The following WDR64 variants were observed in gnomAD, a reference collection of about 807,000 sequenced individuals.
WDR64 encodes the protein WD repeat domain 64.
Under a neutral mutation model 139.3 loss-of-function variants are expected in WDR64, and 112 were observed. The ratio of observed to expected loss-of-function variants is 0.80; its 90% confidence interval spans 0.69 to 0.94. The LOEUF is 0.94. Among genes scored for constraint, WDR64 ranks in the 40% least tolerant of loss-of-function variants. The pLI is 0.00. For synonymous variants in WDR64, 444 were observed against 437.7 expected (o/e 1.01, Z -0.18); for missense variants, 1,206 against 1,293.1 (o/e 0.93, Z 1.03).
At chr1:241,761,618 T>C (rs867875516) in intron 15 of WDR64, among the ~76,000 whole-genome samples, 11 of 151,986 alleles carry the variant, frequency 7.2e-5, no homozygotes, top group African/African-American at 1.4e-4. Flanking sequence ...TTAGTCCTTT[T>C]TGAAAAATTT....
chr1:241,689,828 G>A (rs1171751997), intron 8 of WDR64, among the ~76,000 whole-genome samples: 1 of 152,054 alleles, frequency 6.6e-6, no homozygotes, highest in Non-Finnish European at 1.5e-5. Flanking sequence ...CGCCTTTGAT[G>A]GGCTCATTAG....
intron 2 of WDR64, among the ~76,000 whole-genome samples, chr1:241,667,993 T>G (rs1666083905): frequency 6.6e-6 from 1 of 152,136 alleles, no homozygotes; most frequent in African/African-American, 2.4e-5. Context: ...AGAAGAGGAA[T>G]TCAAACTCAA....
intron 23 of WDR64, among the ~76,000 whole-genome samples, chr1:241,784,953 G>GGAAAAAAAAAAAAAAAAAT: frequency 1.6e-5 from 1 of 62,250 alleles, no homozygotes; most frequent in Non-Finnish European, 3.1e-5. Context: ...GACTCTGTCT[G>GGAAAAAAAAAAAAAAAAAT]AAAAAAAAAA....
Position 241,783,396 on chromosome 1 carries a change from C to T in WDR64, c.2705+15C>T. 2 of 1,581,242 alleles carry T rather than the reference C, an allele frequency of 1.3e-6. No individual in the cohort carries two copies. Among genetic ancestry groups the T allele is most frequent in the Non-Finnish European group, 1.7e-6 (2 of 1,152,148 alleles). The stretch of plus-strand genomic sequence containing the variant: ...GGCTCAGTAAGGTAGGCCAAGATGG[C>T]ATCATACTGTGAATTCAGTACTGTG... On this transcript the variant is annotated intron_variant, in intron 23 of 27. Transcript: ENST00000437684.
chr1:241,754,925 A>G (rs545663835), intron 14 of WDR64, among the ~76,000 whole-genome samples: 26 of 152,298 alleles, frequency 1.7e-4, no homozygotes, highest in African/African-American at 5.8e-4. Flanking sequence ...GCTGCACAGT[A>G]TTCCATGTTG....
intron 8 of WDR64, among the ~76,000 whole-genome samples, chr1:241,707,036 C>T (rs186194856): frequency 2.2e-4 from 33 of 152,222 alleles, no homozygotes; most frequent in Non-Finnish European, 4.1e-4. Flanking sequence ...CCCCTTTTCA[C>T]AGGCATGCAC....
At chr1:241,741,738 TTGAG>T in intron 12 of WDR64, 74 bp downstream of exon 12, 1 of 1,420,828 alleles carries the variant, frequency 7.0e-7, no homozygotes, top group Admixed American at 2.5e-5. Flanking sequence ...AAATAAATCA[TTGAG>T]TGATTAAGCA....
At position 241,705,352 on chromosome 1, in the gene WDR64, T is replaced by C. The variant is rs529028839; in HGVS notation, c.975-6450T>C. Among the ~76,000 whole-genome samples the C allele has an allele frequency of 9.2e-5, 14 of 151,900 alleles. No individual in the cohort carries two copies. In the South Asian group the frequency reaches 2.7e-3, roughly 29 times the overall value. On this transcript the variant is annotated intron_variant, in intron 8 of 27. Transcript: ENST00000437684. ...GTCAGGAGATCGAGACCATCCCGGCTAACACGGTGAAACCCCGTCTCTACT... is the reference window on the plus strand; with the variant it reads ...GTCAGGAGATCGAGACCATCCCGGCCAACACGGTGAAACCCCGTCTCTACT...
chr1:241,785,136 C>T (rs896045109), intron 23 of WDR64, among the ~76,000 whole-genome samples: 36 of 152,036 alleles, frequency 2.4e-4, no homozygotes, highest in Non-Finnish European at 4.1e-4. Context: ...CACACACAGA[C>T]GCACACACAT....
At chr1:241,701,262 ATG>A (rs1558479499) in intron 8 of WDR64, among the ~76,000 whole-genome samples, 1 of 150,984 alleles carries the variant, frequency 6.6e-6, no homozygotes, top group African/African-American at 2.5e-5. Context: ...ACACATACAC[ATG>A]CGTGCACATG....
intron 13 of WDR64, among the ~76,000 whole-genome samples, chr1:241,745,914 A>G (rs1669739259): frequency 6.6e-6 from 1 of 152,156 alleles, no homozygotes. Flanking sequence ...ACTAAATCTG[A>G]CTGCCCAAGT....
At chr1:241,670,139 TAAGAC>T (rs1343239508) in intron 2 of WDR64, among the ~76,000 whole-genome samples, 1 of 152,236 alleles carries the variant, frequency 6.6e-6, no homozygotes, top group African/African-American at 2.4e-5. Context: ...TGTTGGTTAA[TAAGAC>T]AAAGAACAGC....
chr1:241,793,668 G>C (rs1260132119), intron 25 of WDR64, among the ~76,000 whole-genome samples: 1 of 152,176 alleles, frequency 6.6e-6, no homozygotes, highest in Admixed American at 6.5e-5. Context: ...GAAGCCACAG[G>C]GTGTGGAGCC....
chr1:241,751,789 G>A (rs1002626198), intron 14 of WDR64, among the ~76,000 whole-genome samples: 1 of 152,178 alleles, frequency 6.6e-6, no homozygotes, highest in Non-Finnish European at 1.5e-5. Flanking sequence ...AGGGCAGACC[G>A]TAAATTGACT....
At position 241,752,236 on chromosome 1, in the gene WDR64, T is replaced by C. The variant is rs202017397; in HGVS notation, c.1770+2514T>C. Among the ~76,000 whole-genome samples, 27 of 152,342 alleles carry C rather than the reference T, an allele frequency of 1.8e-4. No homozygotes were observed. The East Asian group carries it at 5.0e-3, about 28-fold the overall frequency. On this transcript the variant is annotated intron_variant, in intron 14 of 27. Coordinates refer to ENST00000437684, the MANE Select transcript of WDR64 (RefSeq NM_001367482.1). ...AAAGACCTACCAGCCAATTCCAATATAACATAAAAGATTTCACCAATTAGA... is the reference window on the plus strand; with the variant it reads ...AAAGACCTACCAGCCAATTCCAATACAACATAAAAGATTTCACCAATTAGA...
intron 13 of WDR64, among the ~76,000 whole-genome samples, chr1:241,746,525 T>TAAA (rs111783354): frequency 0.072 from 10,665 of 147,586 alleles, 1,282 homozygotes; most frequent in African/African-American, 0.25. Flanking sequence ...GGTGGTGTTT[T>TAAA]AAAAAAAAAA....
At chr1:241,743,368 C>T (rs1317258373) in intron 12 of WDR64, among the ~76,000 whole-genome samples, 1 of 152,124 alleles carries the variant, frequency 6.6e-6, no homozygotes, top group South Asian at 2.1e-4. Flanking sequence ...TAATCAGGGA[C>T]ACGCAGAGGT....
In WDR64 at chr1:241,802,040, A is replaced by T. The variant is rs1659541419; in HGVS notation, c.*825A>T. 2.5e-6 allele frequency: 1 copy of T among 397,958 alleles called. No homozygotes were observed. Among genetic ancestry groups the T allele is most frequent in the Non-Finnish European group, 4.4e-6 (1 of 225,744 alleles). The allele number at this position is 397,958 out of a possible 1,614,324, so 24.7% of individuals were successfully genotyped here. A position where few individuals can be genotyped will look rare whatever the true frequency, so the allele number is the denominator to read the frequency against. ...ATGATGCAAAAACTAACCTAAAGAAAATCAATATAGCCATATTAATATTAA... is the reference window on the plus strand; with the variant it reads ...ATGATGCAAAAACTAACCTAAAGAATATCAATATAGCCATATTAATATTAA... On this transcript the variant is annotated 3_prime_UTR_variant, in exon 28 of 28. Transcript: ENST00000437684.
At chr1:241,793,381 T>C (rs1309430541) in intron 25 of WDR64, among the ~76,000 whole-genome samples, 2 of 152,080 alleles carry the variant, frequency 1.3e-5, no homozygotes, top group Non-Finnish European at 2.9e-5. Context: ...GATCCACAAG[T>C]GTCCACTGAA....
Sources: gnomAD v4.1 joint callset for allele counts (sites outside exome capture counted in the v4.1 genomes callset) on GRCh38, gnomAD v4.1.1 for gene constraint, MANE v1.5 for transcripts, NCBI Gene and HGNC (gene_info 2026-07-23, HGNC 2026-07-21) for gene names.